DENND1A: variants seen among roughly 807,000 people sequenced by gnomAD.
The protein encoded by DENND1A is DENN domain containing 1A.
Under a neutral mutation model 113.7 loss-of-function variants are expected in DENND1A, and 51 were observed. The observed-to-expected ratio is 0.45, with a 90% CI of 0.36 to 0.57. The LOEUF is 0.57. Among genes scored for constraint, DENND1A ranks in the 20% least tolerant of loss-of-function variants. The pLI is 0.00. For missense variants in DENND1A, 1,258 were observed against 1,395.9 expected, an observed-to-expected ratio of 0.90 and a Z score of 1.57; for synonymous variants, 565 against 570.8, an observed-to-expected ratio of 0.99 and a Z score of 0.14.
intron 3 of DENND1A, among the ~76,000 whole-genome samples, chr9:123,773,485 G>T (rs1830027550): frequency 1.3e-5 from 2 of 152,098 alleles, no homozygotes; most frequent in African/African-American, 4.8e-5. Context: ...AGTTTTAAAT[G>T]TATAATATTA....
intron 5 of DENND1A, among the ~76,000 whole-genome samples, chr9:123,686,910 C>T (rs988537521): frequency 8.5e-5 from 13 of 152,138 alleles, no homozygotes; most frequent in Non-Finnish European, 1.6e-4. Context: ...AAGTTCATTT[C>T]CACCCCAGAT....
intron 11 of DENND1A, among the ~76,000 whole-genome samples, chr9:123,590,827 A>G (rs1165128255): frequency 6.6e-6 from 1 of 152,202 alleles, no homozygotes; most frequent in Non-Finnish European, 1.5e-5. Context: ...TGATAAACAT[A>G]TTAGCACTCT....
At chr9:123,839,400 G>A (rs1447992833) in intron 2 of DENND1A, among the ~76,000 whole-genome samples, 3 of 152,062 alleles carry the variant, frequency 2.0e-5, no homozygotes. Context: ...GCCTTAACAA[G>A]GACATTAGCC....
intron 1 of DENND1A, among the ~76,000 whole-genome samples, chr9:123,913,942 T>C (rs2134061476): frequency 6.6e-6 from 1 of 151,660 alleles, no homozygotes; most frequent in South Asian, 2.1e-4. Context: ...TGGACCTTTA[T>C]TTTCCAGTCT....
At chr9:123,697,879 A>C (rs935081963) in intron 5 of DENND1A, among the ~76,000 whole-genome samples, 5 of 152,206 alleles carry the variant, frequency 3.3e-5, no homozygotes, top group Non-Finnish European at 7.3e-5. Flanking sequence ...GAAAGTGAAA[A>C]GACATTCTAA....
intron 2 of DENND1A, among the ~76,000 whole-genome samples, chr9:123,862,941 C>T (rs1222441620): frequency 6.6e-6 from 1 of 152,196 alleles, no homozygotes; most frequent in Non-Finnish European, 1.5e-5. Flanking sequence ...AACTGTACCT[C>T]AACTGCAAAT....
chr9:123,468,533 C>G (rs1376140588), intron 13 of DENND1A, among the ~76,000 whole-genome samples: 1 of 152,218 alleles, frequency 6.6e-6, no homozygotes, highest in African/African-American at 2.4e-5. Flanking sequence ...AGTCCCATCT[C>G]AGTTGCATTT....
intron 12 of DENND1A, among the ~76,000 whole-genome samples, chr9:123,559,572 A>T (rs955383012): frequency 7.2e-5 from 11 of 152,188 alleles, no homozygotes; most frequent in African/African-American, 2.7e-4. Flanking sequence ...TCTGGGGAAA[A>T]AAAAATCCGA....
chr9:123,516,954 C>G (rs1013486621), intron 13 of DENND1A, among the ~76,000 whole-genome samples: 2 of 133,824 alleles, frequency 1.5e-5, no homozygotes, highest in African/African-American at 6.2e-5. Context: ...TGAAATGAAA[C>G]TTGTCAAGTG....
intron 1 of DENND1A, among the ~76,000 whole-genome samples, chr9:123,915,009 T>C (rs1431174555): frequency 1.3e-5 from 2 of 152,090 alleles, no homozygotes; most frequent in Non-Finnish European, 2.9e-5. Flanking sequence ...GGCCAAAAGC[T>C]AGCACCCAGG....
In DENND1A at chr9:123,652,285, A is replaced by T. The variant is rs920711343; in HGVS notation, c.508-162T>A. 14 of 592,084 alleles carry T rather than the reference A, an allele frequency of 2.4e-5. No individual in the cohort carries two copies. The African/African-American group carries it at 2.6e-4, about 11-fold the overall frequency. The allele number at this position is 592,084 out of a possible 1,614,324, so 36.7% of individuals were successfully genotyped here. ...GGAGGCCAAATCCCCACATGTGTAA[A>T]ATCATGAAGGGTAAAGTTGGAAGAC... On this transcript the variant is annotated intron_variant, in intron 8 of 23. Coordinates refer to ENST00000394215, the MANE Select transcript of DENND1A (RefSeq NM_001352964.2).
At chr9:123,535,080 A>G (rs1027872878) in intron 13 of DENND1A, among the ~76,000 whole-genome samples, 1 of 151,654 alleles carries the variant, frequency 6.6e-6, no homozygotes, top group Non-Finnish European at 1.5e-5. Flanking sequence ...CCCAAATAAC[A>G]CCCCAAATCT....
intron 13 of DENND1A, among the ~76,000 whole-genome samples, chr9:123,473,048 C>T (rs1286343669): frequency 2.0e-5 from 3 of 152,224 alleles, no homozygotes; most frequent in Non-Finnish European, 4.4e-5. Context: ...CATTACATTG[C>T]CTGGCTGCCG....
At chr9:123,426,233 C>A (rs913898357) in intron 19 of DENND1A, among the ~76,000 whole-genome samples, 1 of 152,124 alleles carries the variant, frequency 6.6e-6, no homozygotes, top group African/African-American at 2.4e-5. Flanking sequence ...GTGCCACATT[C>A]GGGAGGCTGC....
intron 22 of DENND1A, among the ~76,000 whole-genome samples, chr9:123,385,958 G>T (rs1448360522): frequency 1.3e-5 from 2 of 152,184 alleles, no homozygotes; most frequent in Non-Finnish European, 2.9e-5. Context: ...GGATGGGCTA[G>T]TTTCTTTTCA....
intron 6 of DENND1A, among the ~76,000 whole-genome samples, chr9:123,676,068 T>G (rs1362893959): frequency 1.3e-5 from 2 of 152,216 alleles, no homozygotes; most frequent in Non-Finnish European, 2.9e-5. Context: ...TTTTTAATAG[T>G]GTGGGAGGCA....
chr9:123,680,819 T>C (rs2064395755), intron 5 of DENND1A, among the ~76,000 whole-genome samples: 1 of 152,152 alleles, frequency 6.6e-6, no homozygotes, highest in Non-Finnish European at 1.5e-5. Flanking sequence ...AGTTCAAAGC[T>C]ATGAGATGGG....
At chr9:123,840,998 T>C (rs10513421) in intron 2 of DENND1A, among the ~76,000 whole-genome samples, 11,083 of 152,262 alleles carry the variant, frequency 0.073, 806 homozygotes, top group African/African-American at 0.19. Context: ...GAATAACAAA[T>C]GTGGAAGCTA....
At chr9:123,802,942 T>A (rs765021851) in intron 2 of DENND1A, among the ~76,000 whole-genome samples, 6 of 152,216 alleles carry the variant, frequency 3.9e-5, no homozygotes, top group Non-Finnish European at 8.8e-5. Context: ...CCTCAGGTGA[T>A]CTGCCCTCCT....
Sources: allele counts gnomAD v4.1 joint callset (sites outside exome capture counted in the v4.1 genomes callset), GRCh38; gene constraint gnomAD v4.1.1; transcripts MANE v1.5; gene names NCBI Gene and HGNC (gene_info 2026-07-23, HGNC 2026-07-21).